Variants in ATP2C2 observed in about 807,000 individuals in gnomAD.
ATP2C2 encodes ATPase secretory pathway Ca2+ transporting 2, also known as calcium-transporting ATPase type 2C member 2.
Under a neutral mutation model 110.8 loss-of-function variants are expected in ATP2C2, and 171 were observed. The observed-to-expected ratio is 1.54, with a 90% CI of 1.36 to 1.75. ATP2C2 has a LOEUF of 1.75. Ranked by LOEUF, ATP2C2 falls within the 40% of genes most tolerant of loss-of-function variation. The pLI is 0.00. For synonymous variants in ATP2C2, 804 were observed against 508.4 expected, an observed-to-expected ratio of 1.58 and a Z score of -7.82; for missense variants, 1,963 against 1,235.0, an observed-to-expected ratio of 1.59 and a Z score of -8.84.
At chr16:84,419,208 TA>T (rs59552270) in intron 7 of ATP2C2, among the ~76,000 whole-genome samples, 7,263 of 47,180 alleles carry the variant, frequency 0.15, 325 homozygotes, top group East Asian at 0.35. Context: ...ACCCCATCTT[TA>T]AAAAAAAAAA....
At chr16:84,410,074 T>G (rs983454595) in intron 4 of ATP2C2, among the ~76,000 whole-genome samples, 3 of 152,056 alleles carry the variant, frequency 2.0e-5, no homozygotes. Flanking sequence ...CAGGGCATGG[T>G]GGCATGTGCC....
chr16:84,383,276 C>T (rs1186720665), intron 1 of ATP2C2, among the ~76,000 whole-genome samples: 2 of 152,236 alleles, frequency 1.3e-5, no homozygotes, highest in Non-Finnish European at 2.9e-5. Flanking sequence ...GCAGGAAAGC[C>T]TGCATCAAAC....
chr16:84,380,686 G>A (rs7350836), intron 1 of ATP2C2, among the ~76,000 whole-genome samples: 25,622 of 152,060 alleles, frequency 0.17, 2,284 homozygotes, highest in Non-Finnish European at 0.2. Context: ...TCTGCCACTC[G>A]CCAGCTGTGA....
intron 17 of ATP2C2, 58 bp downstream of exon 17, chr16:84,448,747 A>G: frequency 6.4e-7 from 1 of 1,552,320 alleles, no homozygotes; most frequent in South Asian, 1.2e-5. Flanking sequence ...TTGACTTTTA[A>G]GTGCATTCAA....
At chr16:84,430,184 A>T (rs1443748812) in intron 11 of ATP2C2, among the ~76,000 whole-genome samples, 2 of 152,176 alleles carry the variant, frequency 1.3e-5, no homozygotes, top group African/African-American at 4.8e-5. Context: ...GAGGGACACA[A>T]TTCAACCCCT....
rs1053210843 is a variant in ATP2C2, at chr16:84,408,479, C to T, written c.402C>T (p.Ala134=). ...VSVLTKEYED[A]VSIATAVLVV... ...TCCTCACCAAGGAGTATGAGGACGCCGTCAGCATCGCCACGGTGAGTTCCC... is the reference window on the plus strand; with the variant it reads ...TCCTCACCAAGGAGTATGAGGACGCTGTCAGCATCGCCACGGTGAGTTCCC... Residue 134 remains alanine (A), a synonymous_variant, in exon 4 of 27, where the codon GCC becomes GCT. Transcript: ENST00000262429. 1.2e-5 allele frequency: 19 copies of T among 1,613,048 alleles called. No individual in the cohort carries two copies. Among genetic ancestry groups the T allele is most frequent in the East Asian group, 2.2e-5 (1 of 44,854 alleles).
rs28706586 is a variant in ATP2C2 at position 84,410,554 on chromosome 16, C to T, written c.418-14C>T. The T allele has an allele frequency of 4.7e-3, 7,552 of 1,613,584 alleles. 296 individuals carry two copies. In the African/African-American group the frequency reaches 0.086, roughly 18 times the overall value. On this transcript the variant is annotated splice_polypyrimidine_tract_variant and intron_variant, in intron 4 of 26. Coordinates refer to ENST00000262429, the MANE Select transcript of ATP2C2 (RefSeq NM_014861.4). The stretch of plus-strand genomic sequence containing the variant: ...AGCCTCTGGTACTGACACCCTCCTC[C>T]GTTTGCTGTCTAGGCAGTGCTTGTC...
chr16:84,420,637 CCTT>C lies in ATP2C2; in HGVS notation c.625-1749_625-1747del, dbSNP rs1192569164. 3.9e-5 allele frequency among the ~76,000 whole-genome samples: 6 copies of C among 152,094 alleles called. No individual in the cohort carries two copies. The South Asian group carries it at 8.3e-4, about 21-fold the overall frequency. Reference sequence around the variant, plus strand: ...CACAACTAAGGAACCCATATTGATGCCTTCTTGTTACCTTGAGTCTGTGACACT... The same window carrying C: ...CACAACTAAGGAACCCATATTGATGCCTTGTTACCTTGAGTCTGTGACACT... On this transcript the variant is annotated intron_variant, in intron 7 of 26. Transcript: ENST00000262429.
chr16:84,455,089 T>A, intron 21 of ATP2C2, 105 bp downstream of exon 21: 1 of 1,379,392 alleles, frequency 7.2e-7, no homozygotes, highest in Non-Finnish European at 9.9e-7. Flanking sequence ...TCTCGCGGAG[T>A]CCCCAGGGAG....
intron 21 of ATP2C2, 87 bp downstream of exon 21, chr16:84,455,071 G>GGGC: frequency 2.9e-6 from 4 of 1,376,236 alleles, no homozygotes; most frequent in Non-Finnish European, 3.8e-6. Flanking sequence ...TGGAGATAGA[G>GGGC]GGGGGGGTCT....
rs151279152 is a variant in ATP2C2, at chr16:84,438,870, T to C, written c.987-296T>C. 1.7e-4 allele frequency among the ~76,000 whole-genome samples: 26 copies of C among 152,332 alleles called. No homozygotes were observed. In the East Asian group the frequency reaches 4.8e-3, roughly 28 times the overall value. On this transcript the variant is annotated intron_variant, in intron 11 of 26. Coordinates refer to ENST00000262429, the MANE Select transcript of ATP2C2 (RefSeq NM_014861.4). ...TTTTCTCTCTAATAAATGAGAATAA[T>C]GTCAATGCAAAATACTTTTAAAGAG...
In ATP2C2 at chr16:84,448,604, C is replaced by T. The variant is rs577350687; in HGVS notation, c.1575C>T (p.Asn525=). The T allele has an allele frequency of 2.4e-5, 38 of 1,614,072 alleles. No individual in the cohort carries two copies. The highest frequency in any genetic ancestry group is 3.3e-5 in the South Asian group (3 of 91,062). ...EVIRYCTMYN[N]GGIPLPLTPQ... is the part of the protein sequence containing the mutation. ...TCCGCTACTGCACCATGTACAACAA[C>T]GGGGGCATCCCCCTGCCGCTGACGC... Residue 525 remains asparagine (N), a synonymous_variant, in exon 17 of 27, where the codon AAC becomes AAT. Coordinates refer to ENST00000262429, the MANE Select transcript of ATP2C2 (RefSeq NM_014861.4).
At chr16:84,439,619 A>T in intron 13 of ATP2C2, 95 bp downstream of exon 13, 1 of 1,200,406 alleles carries the variant, frequency 8.3e-7, no homozygotes, top group South Asian at 1.3e-5. Flanking sequence ...GAACACAATA[A>T]GGAAGAAATA....
At chr16:84,443,386 T>C (rs71386836) in intron 15 of ATP2C2, among the ~76,000 whole-genome samples, 10,498 of 152,120 alleles carry the variant, frequency 0.069, 686 homozygotes, top group South Asian at 0.18. Flanking sequence ...CCCGACCCGC[T>C]CCGTGCTTTC....
At chr16:84,460,022 G>C (rs1486292755) in intron 23 of ATP2C2, 1 of 216,428 alleles carries the variant, frequency 4.6e-6, no homozygotes, top group African/African-American at 2.3e-5. Flanking sequence ...TATGAGCACA[G>C]AGCCAGTGCT....
At chr16:84,418,061 A>G (rs1384760327) in intron 7 of ATP2C2, among the ~76,000 whole-genome samples, 1 of 152,206 alleles carries the variant, frequency 6.6e-6, no homozygotes, top group Non-Finnish European at 1.5e-5. Flanking sequence ...GCCCTCAGTC[A>G]GAGGCTGAGC....
At chr16:84,453,708 G>GC (rs1910532728) in intron 20 of ATP2C2, among the ~76,000 whole-genome samples, 1 of 152,210 alleles carries the variant, frequency 6.6e-6, no homozygotes, top group African/African-American at 2.4e-5. Flanking sequence ...GCGGACACGA[G>GC]CCCCACCAAA....
chr16:84,377,325 C>G (rs180820567), intron 1 of ATP2C2, among the ~76,000 whole-genome samples: 14 of 152,252 alleles, frequency 9.2e-5, no homozygotes, highest in Admixed American at 9.2e-4. Flanking sequence ...CCTCTCCCTG[C>G]CTGGAAGGTG....
intron 11 of ATP2C2, among the ~76,000 whole-genome samples, chr16:84,431,658 T>TG (rs773850756): frequency 4.0e-5 from 6 of 151,244 alleles, no homozygotes; most frequent in African/African-American, 7.3e-5. Context: ...GAGGGTCACT[T>TG]GGGGGGGACC....
Sources: gnomAD v4.1 joint callset for allele counts (sites outside exome capture counted in the v4.1 genomes callset) on GRCh38, gnomAD v4.1.1 for gene constraint, MANE v1.5 for transcripts, NCBI Gene and HGNC (gene_info 2026-07-23, HGNC 2026-07-21) for gene names.